RASAL2: variants seen among roughly 807,000 people sequenced by gnomAD.
RASAL2 encodes ras GTPase-activating protein nGAP.
Under a neutral mutation model 128.9 loss-of-function variants are expected in RASAL2, and 58 were observed. That is an observed-to-expected ratio of 0.45 (90% confidence interval 0.36 to 0.56). RASAL2 has a LOEUF of 0.56. Among genes scored for constraint, RASAL2 ranks in the 20% least tolerant of loss-of-function variants. The pLI, the probability that RASAL2 is intolerant of heterozygous loss-of-function variation, is 0.00. For synonymous variants in RASAL2, 561 were observed against 580.8 expected (o/e 0.97, Z 0.49); for missense variants, 1,360 against 1,601.6 (o/e 0.85, Z 2.57).
rs1214130913 is a variant in RASAL2 at position 178,473,312 on chromosome 1, T to C, written c.*73T>C. ...TATCTCCAGACCTTTACCTAGCCCCTCCAGGTTTACAGAATGTTGCTACTT... is the reference window on the plus strand; with the variant it reads ...TATCTCCAGACCTTTACCTAGCCCCCCCAGGTTTACAGAATGTTGCTACTT... On this transcript the variant is annotated 3_prime_UTR_variant, in exon 18 of 18. Transcript: ENST00000367649. 1.9e-6 allele frequency: 3 copies of C among 1,551,138 alleles called. No individual in the cohort carries two copies. Among genetic ancestry groups the C allele is most frequent in the Non-Finnish European group, 2.7e-6 (3 of 1,130,144 alleles).
chr1:178,364,521 T>C (rs1409968601), intron 3 of RASAL2, among the ~76,000 whole-genome samples: 1 of 152,198 alleles, frequency 6.6e-6, no homozygotes, highest in Non-Finnish European at 1.5e-5. Context: ...TACTACCTAG[T>C]ACATTGTAAA....
intron 1 of RASAL2, among the ~76,000 whole-genome samples, chr1:178,236,050 AC>A (rs1434542092): frequency 6.6e-6 from 1 of 152,050 alleles, no homozygotes; most frequent in Admixed American, 6.6e-5. Flanking sequence ...TCTCCTGCCT[AC>A]CAGTATTTTT....
At chr1:178,182,841 A>C (rs1278261833) in intron 1 of RASAL2, among the ~76,000 whole-genome samples, 1 of 121,962 alleles carries the variant, frequency 8.2e-6, no homozygotes, top group Non-Finnish European at 1.7e-5. Flanking sequence ...CAATTTTTCC[A>C]TGGACTGGGG....
At chr1:178,325,893 C>G (rs1669015320) in intron 3 of RASAL2, among the ~76,000 whole-genome samples, 1 of 152,032 alleles carries the variant, frequency 6.6e-6, no homozygotes, top group African/African-American at 2.4e-5. Context: ...GTGTTTGAGA[C>G]CAGCCTGGGC....
intron 12 of RASAL2, 112 bp downstream of exon 12, chr1:178,454,760 A>G (rs999004395): frequency 4.7e-6 from 4 of 850,102 alleles, no homozygotes; most frequent in Non-Finnish European, 7.2e-6. Flanking sequence ...TGTTTACCCT[A>G]GAAATCTGAG....
At chr1:178,431,064 C>T (rs1034080602) in intron 5 of RASAL2, among the ~76,000 whole-genome samples, 4 of 151,810 alleles carry the variant, frequency 2.6e-5, no homozygotes, top group Non-Finnish European at 5.9e-5. Flanking sequence ...CATCTCTCCT[C>T]CTCTGCCAAA....
At chr1:178,201,156 G>A (rs1486668817) in intron 1 of RASAL2, among the ~76,000 whole-genome samples, 3 of 152,162 alleles carry the variant, frequency 2.0e-5, no homozygotes, top group African/African-American at 7.2e-5. Flanking sequence ...TAAGGGTGTG[G>A]GATGATGGTG....
At chr1:178,403,776 T>C (rs937747452) in intron 4 of RASAL2, among the ~76,000 whole-genome samples, 1 of 152,142 alleles carries the variant, frequency 6.6e-6, no homozygotes, top group East Asian at 1.9e-4. Flanking sequence ...CTTTCTATGA[T>C]GGTTACTGAA....
chr1:178,172,171 C>G (rs777500616), intron 1 of RASAL2, among the ~76,000 whole-genome samples: 29 of 151,916 alleles, frequency 1.9e-4, no homozygotes, highest in Admixed American at 6.6e-4. Context: ...TTTGCAAGTC[C>G]TTCATACCAT....
chr1:178,262,049 T>C (rs2102137073), intron 1 of RASAL2, among the ~76,000 whole-genome samples: 1 of 152,326 alleles, frequency 6.6e-6, no homozygotes, highest in South Asian at 2.1e-4. Context: ...TTTAAATTCT[T>C]AATCCTCTTT....
At chr1:178,173,199 AC>A (rs1661764861) in intron 1 of RASAL2, among the ~76,000 whole-genome samples, 1 of 152,056 alleles carries the variant, frequency 6.6e-6, no homozygotes, top group Non-Finnish European at 1.5e-5. Flanking sequence ...CCAAATACAC[AC>A]AAATTCCAAT....
chr1:178,187,069 C>T lies in RASAL2; in HGVS notation c.202+92375C>T, dbSNP rs1223315491. On this transcript the variant is annotated intron_variant, in intron 1 of 17. Coordinates refer to ENST00000367649, the MANE Select transcript of RASAL2 (RefSeq NM_170692.4). Reference sequence around the variant, plus strand: ...TCTCGAACTCCTGGCCTAAAGCAATCCTCCTGCCTCGGCCTCCCAAAGTGC... The same window carrying T: ...TCTCGAACTCCTGGCCTAAAGCAATTCTCCTGCCTCGGCCTCCCAAAGTGC... Among the ~76,000 whole-genome samples, 4 of 152,212 alleles carry T rather than the reference C, an allele frequency of 2.6e-5. No homozygotes were observed. The East Asian group carries it at 7.7e-4, about 29-fold the overall frequency.
chr1:178,134,822 C>T (rs566801151), intron 1 of RASAL2, among the ~76,000 whole-genome samples: 45 of 152,334 alleles, frequency 3.0e-4, no homozygotes, highest in African/African-American at 1.0e-3. Context: ...AAATCACTGG[C>T]TACCAAGAGT....
At position 178,218,186 on chromosome 1, in the gene RASAL2, A is replaced by G. The variant is rs111783184; in HGVS notation, c.203-65378A>G. Reference sequence around the variant, plus strand: ...CTGAAGTCTTAAACCTTTCAAAGTCATCAATGAAAGTTGGAATCAGCTTCT... The same window carrying G: ...CTGAAGTCTTAAACCTTTCAAAGTCGTCAATGAAAGTTGGAATCAGCTTCT... On this transcript the variant is annotated intron_variant, in intron 1 of 17. Transcript: ENST00000367649. Among the ~76,000 whole-genome samples the G allele has an allele frequency of 4.2e-3, 647 of 152,324 alleles. 3 individuals are homozygous for G. The highest frequency in any genetic ancestry group is 0.014 in the African/African-American group (590 of 41,584).
At chr1:178,273,044 A>G (rs1557869669) in intron 1 of RASAL2, among the ~76,000 whole-genome samples, 2 of 152,228 alleles carry the variant, frequency 1.3e-5, no homozygotes, top group Non-Finnish European at 2.9e-5. Context: ...TATTGTGGCC[A>G]AAAACATAAG....
At position 178,473,384 on chromosome 1, in the gene RASAL2, T is replaced by A; in HGVS notation, c.*145T>A. 1 of 1,057,288 alleles carries A rather than the reference T, an allele frequency of 9.5e-7. No homozygotes were observed. The highest frequency in any genetic ancestry group is 1.6e-5 in the South Asian group (1 of 63,892). 65.5% of individuals were successfully genotyped at this position (1,057,288 alleles called of 1,614,324 possible). A position where few individuals can be genotyped will look rare whatever the true frequency, so the allele number is the denominator to read the frequency against. On this transcript the variant is annotated 3_prime_UTR_variant, in exon 18 of 18. Coordinates refer to ENST00000367649, the MANE Select transcript of RASAL2 (RefSeq NM_170692.4). Reference sequence around the variant, plus strand: ...AACTCCTGAATGAAGAAAGGAACCTTGTCTTTCAGGGCATAAGGCGGCGAC... The same window carrying A: ...AACTCCTGAATGAAGAAAGGAACCTAGTCTTTCAGGGCATAAGGCGGCGAC...
chr1:178,321,400 A>G (rs1266859651), intron 3 of RASAL2, among the ~76,000 whole-genome samples: 1 of 152,172 alleles, frequency 6.6e-6, no homozygotes, highest in Admixed American at 6.5e-5. Context: ...TAATTTTTTA[A>G]TAATTTTTTC....
intron 1 of RASAL2, among the ~76,000 whole-genome samples, chr1:178,166,746 A>G (rs1661527919): frequency 1.3e-5 from 2 of 152,212 alleles, no homozygotes; most frequent in Non-Finnish European, 1.5e-5. Flanking sequence ...CATTAGGAGT[A>G]TTTTTTCGTG....
At chr1:178,396,980 G>T (rs1159116986) in intron 4 of RASAL2, among the ~76,000 whole-genome samples, 1 of 152,102 alleles carries the variant, frequency 6.6e-6, no homozygotes, top group Non-Finnish European at 1.5e-5. Flanking sequence ...TGCCCACTAG[G>T]ATGACCACAA....
Sources: gnomAD v4.1 joint callset for allele counts (sites outside exome capture counted in the v4.1 genomes callset) on GRCh38, gnomAD v4.1.1 for gene constraint, MANE v1.5 for transcripts, NCBI Gene and HGNC (gene_info 2026-07-23, HGNC 2026-07-21) for gene names.